Variants in ZNF780B observed in about 807,000 individuals in gnomAD.
The protein encoded by ZNF780B is zinc finger protein 779.
ZNF780B carries 52 observed loss-of-function variants against 74.1 expected under a neutral mutation model. The ratio of observed to expected loss-of-function variants is 0.70; its 90% CI spans 0.56 to 0.88. The LOEUF (loss-of-function observed/expected upper bound fraction) is 0.88. Ranked by LOEUF, ZNF780B falls within the 40% of genes least tolerant of loss-of-function variation. ZNF780B has a pLI of 0.00. For synonymous variants in ZNF780B, 315 were observed against 324.3 expected (o/e 0.97, Z 0.31); for missense variants, 953 against 1,007.6 (o/e 0.95, Z 0.73).
intron 1 of ZNF780B, among the ~76,000 whole-genome samples, chr19:40,050,811 T>C (rs2144832684): frequency 6.6e-6 from 1 of 152,296 alleles, no homozygotes; most frequent in South Asian, 2.1e-4. Context: ...GAACTCAGGA[T>C]TGGGTGCAGT....
At chr19:40,054,212 G>A (rs1429419612) in intron 1 of ZNF780B, among the ~76,000 whole-genome samples, 3 of 152,274 alleles carry the variant, frequency 2.0e-5, no homozygotes, top group South Asian at 2.1e-4. Context: ...TTTACAGGTC[G>A]GGGGTAATGT....
intron 2 of ZNF780B, chr19:40,049,142 G>A: frequency 4.3e-6 from 1 of 233,274 alleles, no homozygotes; most frequent in South Asian, 6.0e-5. Context: ...GCTGAGGTGG[G>A]AGTATTGCTT....
Position 40,036,438 on chromosome 19 carries a change from G to T in ZNF780B, c.421C>A (p.Gln141Lys), listed in dbSNP as rs1207992042. 4 of 1,608,948 alleles carry T rather than the reference G, an allele frequency of 2.5e-6. No individual in the cohort carries two copies. Among genetic ancestry groups the T allele is most frequent in the African/African-American group, 2.7e-5 (2 of 74,730 alleles). ...ATTTCTTCATAGCTGATGATCTTCT[G>T]GTTGATATATCCTTCTTGATGTCCC... ...RQGHQEGYIN[Q>K]KIISYEEMPA... Residue 141 changes from glutamine to lysine, a missense_variant, in exon 5 of 5, where the codon CAG (glutamine) becomes AAG (lysine). Physicochemically the swap from Gln to Lys is moderately conservative, Grantham distance 53. Coordinates refer to ENST00000434248, the MANE Select transcript of ZNF780B (RefSeq NM_001005851.3).
rs1170018938 is a variant in ZNF780B at position 40,036,064 on chromosome 19, A to G, written c.795T>C (p.Thr265=). The G allele has an allele frequency of 6.8e-6, 11 of 1,613,444 alleles. No individual in the cohort carries two copies. In the Admixed American group the frequency reaches 1.2e-4, roughly 17 times the overall value. Residue 265 remains threonine, a synonymous_variant, in exon 5 of 5, where the codon ACT becomes ACC. Transcript: ENST00000434248. ...GKSFNRSSNL[T]QHQSIHAGVK... Reference sequence around the variant, plus strand: ...CACCAGCATGAATACTTTGATGCTGAGTAAGGTTTGAGCTACGATTAAAAG... The same window carrying G: ...CACCAGCATGAATACTTTGATGCTGGGTAAGGTTTGAGCTACGATTAAAAG...
intron 4 of ZNF780B, among the ~76,000 whole-genome samples, chr19:40,045,701 T>C (rs1471110296): frequency 6.6e-6 from 1 of 151,992 alleles, no homozygotes; most frequent in Non-Finnish European, 1.5e-5. Context: ...GAAAGACAAA[T>C]ATCAGACTGG....
At position 40,035,056 on chromosome 19, in the gene ZNF780B, A is replaced by G; in HGVS notation, c.1803T>C (p.Ile601=). ...CACCAGTATGAAATTTCTGATGTCG[A>G]ATAAGGTGCATATGAAGTCGAAAGG... ...GKAFRLHMHL[I]RHQKFHTGEK... Residue 601 remains isoleucine (I), a synonymous_variant, in exon 5 of 5, where the codon ATT becomes ATC. Coordinates refer to ENST00000434248, the MANE Select transcript of ZNF780B (RefSeq NM_001005851.3). 2 of 1,614,182 alleles carry G rather than the reference A, an allele frequency of 1.2e-6. No homozygotes were observed. Among genetic ancestry groups the G allele is most frequent in the Non-Finnish European group, 1.7e-6 (2 of 1,180,014 alleles).
At chr19:40,055,440 A>G (rs1202316099) in intron 1 of ZNF780B, 2 of 152,268 alleles carry the variant, frequency 1.3e-5, no homozygotes, top group East Asian at 3.9e-4. Flanking sequence ...TGCAACAATA[A>G]CGCTCTCATC....
Position 40,031,297 on chromosome 19 carries a change from C to A in ZNF780B, c.*3060G>T. ...AGTGCAGTGGCACGATCTTGGCTCACTGCCACCTCCACCTTCCAATTTCGA... is the reference window on the plus strand; with the variant it reads ...AGTGCAGTGGCACGATCTTGGCTCAATGCCACCTCCACCTTCCAATTTCGA... On this transcript the variant is annotated 3_prime_UTR_variant, in exon 5 of 5. Coordinates refer to ENST00000434248, the MANE Select transcript of ZNF780B (RefSeq NM_001005851.3). 1 of 152,384 alleles carries A rather than the reference C, an allele frequency of 6.6e-6. No homozygotes were observed. The highest frequency in any genetic ancestry group is 1.5e-5 in the Non-Finnish European group (1 of 68,054). 9.4% of individuals were successfully genotyped at this position (152,384 alleles called of 1,614,324 possible). A position where few individuals can be genotyped will look rare whatever the true frequency, so the allele number is the denominator to read the frequency against.
chr19:40,036,126 C>G lies in ZNF780B; in HGVS notation c.733G>C (p.Val245Leu). The change falls in exon 5 of 5, where the codon GTT (valine) becomes CTT (leucine). Residue 245 changes from valine (V) to leucine (L), a missense_variant. Val to Leu is a conservative substitution (Grantham distance 32). Transcript: ENST00000434248. ...TCCTTACATTCAAACAGTTTCTTAA[C>G]TGTGTGAATGTTCTTATGGCGATTA... ...QLNRHKNIHTVKKLFECKECG... is the reference protein window; with the variant it reads ...QLNRHKNIHTLKKLFECKECG... 20 of 1,613,830 alleles carry G rather than the reference C, an allele frequency of 1.2e-5. No individual in the cohort carries two copies. Among genetic ancestry groups the G allele is most frequent in the Non-Finnish European group, 1.7e-5 (20 of 1,179,922 alleles).
At chr19:40,043,835 C>T (rs572157070) in intron 4 of ZNF780B, among the ~76,000 whole-genome samples, 6 of 152,336 alleles carry the variant, frequency 3.9e-5, no homozygotes, top group African/African-American at 1.4e-4. Flanking sequence ...AAAGGGAACT[C>T]CCTGACCCCT....
rs1274223354 is a variant in ZNF780B at position 40,028,375 on chromosome 19, T to C, written c.*5982A>G. The C allele has an allele frequency of 1.3e-5, 2 of 152,172 alleles. No individual in the cohort carries two copies. Among genetic ancestry groups the C allele is most frequent in the Non-Finnish European group, 2.9e-5 (2 of 68,034 alleles). The allele number at this position is 152,172 out of a possible 1,614,324, so 9.4% of individuals were successfully genotyped here. A position where few individuals can be genotyped will look rare whatever the true frequency, so the allele number is the denominator to read the frequency against. On this transcript the variant is annotated 3_prime_UTR_variant, in exon 5 of 5. Transcript: ENST00000434248. ...CAATAGTTTAGCATTTTCTGTCATC[T>C]CATTCTGGAGAATCATAGATGTGGC...
chr19:40,039,163 T>C (rs1972507305), intron 4 of ZNF780B, among the ~76,000 whole-genome samples: 1 of 151,802 alleles, frequency 6.6e-6, no homozygotes, highest in African/African-American at 2.4e-5. Flanking sequence ...ATTTATTAAA[T>C]AGGGAATCCT....
chr19:40,048,968 T>C lies in ZNF780B; in HGVS notation c.10-172A>G. ...GCCTGGTGTGGTGGCTCATGCCTGT[T>C]ATACCAGCACTTTGGGAGACCAAGG... On this transcript the variant is annotated intron_variant, in intron 2 of 4. Transcript: ENST00000434248. 3.8e-6 allele frequency: 4 copies of C among 1,058,188 alleles called. No homozygotes were observed. In the South Asian group the frequency reaches 6.7e-5, roughly 18 times the overall value. 65.5% of individuals were successfully genotyped at this position (1,058,188 alleles called of 1,614,324 possible).
Position 40,035,242 on chromosome 19 carries a change from T to C in ZNF780B, c.1617A>G (p.Arg539=). Residue 539 remains arginine, a synonymous_variant, in exon 5 of 5, where the codon AGA becomes AGG. Transcript: ENST00000434248. ...CATGTTGAGAAAGTTGTAGGTGAAG[T>C]CTAAAAGCCTTCCCACACTCCTTAC... ...YECKECGKAF[R]LHLQLSQHEK... The C allele has an allele frequency of 6.2e-7, 1 of 1,611,936 alleles. No individual in the cohort carries two copies. Among genetic ancestry groups the C allele is most frequent in the South Asian group, 1.1e-5 (1 of 90,958 alleles).
rs1431078195 is a variant in ZNF780B, at chr19:40,032,492, G to A, written c.*1865C>T. 1 of 265,984 alleles carries A rather than the reference G, an allele frequency of 3.8e-6. No individual in the cohort carries two copies. The allele number at this position is 265,984 out of a possible 1,614,324, so 16.5% of individuals were successfully genotyped here. A position where few individuals can be genotyped will look rare whatever the true frequency, so the allele number is the denominator to read the frequency against. On this transcript the variant is annotated 3_prime_UTR_variant, in exon 5 of 5. Transcript: ENST00000434248. ...CCAGCACTTTGGGAGGCCAAGGCGG[G>A]TGGATCACGAGGTCAGGAGATCGAG...
rs1056172781 is a variant in ZNF780B at position 40,033,969 on chromosome 19, T to C, written c.*388A>G. ...CCAGTATGAATTCTTTGATGTGCAG[T>C]AAAGACTAAGCTAAATCCAAAAGTT... On this transcript the variant is annotated 3_prime_UTR_variant, in exon 5 of 5. Transcript: ENST00000434248. The C allele has an allele frequency of 5.3e-5, 14 of 265,142 alleles. No individual in the cohort carries two copies. Among genetic ancestry groups the C allele is most frequent in the Non-Finnish European group, 8.9e-5 (12 of 134,940 alleles). 16.4% of individuals were successfully genotyped at this position (265,142 alleles called of 1,614,324 possible). A position where few individuals can be genotyped will look rare whatever the true frequency, so the allele number is the denominator to read the frequency against.
At chr19:40,040,227 T>C (rs1184244643) in intron 4 of ZNF780B, among the ~76,000 whole-genome samples, 1 of 152,248 alleles carries the variant, frequency 6.6e-6, no homozygotes, top group Non-Finnish European at 1.5e-5. Flanking sequence ...GATTTGCATA[T>C]GTTGAACCAG....
Position 40,034,904 on chromosome 19 carries a change from C to T in ZNF780B, c.1955G>A (p.Arg652His), listed in dbSNP as rs777399936. 75 of 1,613,640 alleles carry T rather than the reference C, an allele frequency of 4.6e-5. No homozygotes were observed. Among genetic ancestry groups the T allele is most frequent in the Non-Finnish European group, 6.2e-5 (73 of 1,179,934 alleles). ...CTGATGTTGAACAAGGTTTGAGACACGATTAAAGGACTTCCCACATTCTTT... is the reference window on the plus strand; with the variant it reads ...CTGATGTTGAACAAGGTTTGAGACATGATTAAAGGACTTCCCACATTCTTT... ...KCKECGKSFN[R>H]VSNLVQHQSI... Residue 652 changes from arginine (R) to histidine (H), a missense_variant, in exon 5 of 5, where the codon CGT (arginine) becomes CAT (histidine). Arg to His is a conservative substitution (Grantham distance 29). Coordinates refer to ENST00000434248, the MANE Select transcript of ZNF780B (RefSeq NM_001005851.3).
In ZNF780B at chr19:40,035,322, C is replaced by A. The variant is rs1308926076; in HGVS notation, c.1537G>T (p.Gly513Cys). 1.9e-6 allele frequency: 3 copies of A among 1,612,652 alleles called. No homozygotes were observed. Among genetic ancestry groups the A allele is most frequent in the East Asian group, 4.5e-5 (2 of 44,764 alleles). The change falls in exon 5 of 5, where the codon GGC becomes TGC. Residue 513 changes from glycine to cysteine, a missense_variant. Physicochemically the swap from Gly to Cys is radical, Grantham distance 159. Transcript: ENST00000434248. ...CKDCGKAFNR[G>C]SNLVQHQSIH... The stretch of plus-strand genomic sequence containing the variant: ...CTCTGATGTTGAACAAGGTTCGAGC[C>A]ACGATTGAAGGCCTTCCCACAGTCT...
Sources: allele counts gnomAD v4.1 joint callset (sites outside exome capture counted in the v4.1 genomes callset), GRCh38; gene constraint gnomAD v4.1.1; transcripts MANE v1.5; gene names NCBI Gene and HGNC (gene_info 2026-07-23, HGNC 2026-07-21).